PLEKHA7: variants seen among roughly 807,000 people sequenced by gnomAD.
The protein encoded by PLEKHA7 is pleckstrin homology domain-containing family A member 7.
PLEKHA7 carries 104 observed loss-of-function variants against 170.0 expected under a neutral mutation model. That is an observed-to-expected ratio of 0.61 (90% CI 0.52 to 0.72). The LOEUF (loss-of-function observed/expected upper bound fraction) is 0.72, where lower values mean the gene tolerates loss of function less well. Among genes scored for constraint, PLEKHA7 ranks in the 30% least tolerant of loss-of-function variants. PLEKHA7 has a pLI of 0.00. For missense variants in PLEKHA7, 1,615 were observed against 1,671.7 expected (o/e 0.97, Z 0.59); for synonymous variants, 648 against 660.8 (o/e 0.98, Z 0.30).
At chr11:16,779,991 A>T (rs902264486) in intron 26 of PLEKHA7, among the ~76,000 whole-genome samples, 1 of 133,668 alleles carries the variant, frequency 7.5e-6, no homozygotes, top group African/African-American at 2.9e-5. Context: ...GGGGGGGGGG[A>T]ATATCTTCAT....
At chr11:16,970,864 T>C (rs1175297057) in intron 3 of PLEKHA7, among the ~76,000 whole-genome samples, 1 of 152,234 alleles carries the variant, frequency 6.6e-6, no homozygotes, top group East Asian at 1.9e-4. Flanking sequence ...TTAATAGTAG[T>C]TAAACCTACA....
At chr11:16,968,910 C>T (rs992693372) in intron 3 of PLEKHA7, among the ~76,000 whole-genome samples, 1 of 152,202 alleles carries the variant, frequency 6.6e-6, no homozygotes, top group African/African-American at 2.4e-5. Context: ...CCATACCCAC[C>T]TATGCCAAGA....
intron 9 of PLEKHA7, among the ~76,000 whole-genome samples, chr11:16,827,639 C>T (rs144290173): frequency 6.6e-6 from 1 of 152,286 alleles, no homozygotes; most frequent in East Asian, 1.9e-4. Flanking sequence ...TCTCTGCCTC[C>T]TTGGGGCAGG....
intron 9 of PLEKHA7, among the ~76,000 whole-genome samples, chr11:16,833,060 G>A (rs1403325222): frequency 6.6e-6 from 1 of 152,246 alleles, no homozygotes; most frequent in Non-Finnish European, 1.5e-5. Context: ...TGAGGAAGGA[G>A]ATAGCCAGGG....
chr11:16,816,970 C>T lies in PLEKHA7; in HGVS notation c.1696G>A (p.Val566Met). 1 of 1,610,340 alleles carries T rather than the reference C, an allele frequency of 6.2e-7. No homozygotes were observed. Among genetic ancestry groups the T allele is most frequent in the South Asian group, 1.1e-5 (1 of 90,388 alleles). ...GGGATGTCCGAGGGAGATGGAGGCA[C>T]AGAGATGGAGCGGGGCACCTCTAGC... ...SMLEVPRSIS[V>M]PPSPSDIPPP... is the part of the protein sequence containing the mutation. The change falls in exon 11 of 27, where the codon GTG (valine) becomes ATG (methionine). Residue 566 changes from valine to methionine, a missense_variant. Val to Met is a conservative substitution (Grantham distance 21). Coordinates refer to ENST00000531066, the MANE Select transcript of PLEKHA7 (RefSeq NM_001329630.2).
chr11:16,796,761 T>A (rs1848257833), intron 17 of PLEKHA7, among the ~76,000 whole-genome samples: 1 of 152,180 alleles, frequency 6.6e-6, no homozygotes, highest in African/African-American at 2.4e-5. Flanking sequence ...GCTCAAGTGA[T>A]CCTCTCGCCT....
chr11:16,892,861 G>A (rs1384808374), intron 3 of PLEKHA7, among the ~76,000 whole-genome samples: 2 of 152,072 alleles, frequency 1.3e-5, no homozygotes, highest in South Asian at 4.1e-4. Context: ...GACAGTTCTG[G>A]AGGCTGAGAT....
intron 3 of PLEKHA7, among the ~76,000 whole-genome samples, chr11:17,006,635 A>AG (rs1481464047): frequency 2.0e-5 from 3 of 151,890 alleles, no homozygotes; most frequent in Non-Finnish European, 4.4e-5. Flanking sequence ...TCAAAAAAAA[A>AG]AAAAAAGGAA....
At chr11:16,799,729 A>C (rs1848463339) in intron 17 of PLEKHA7, among the ~76,000 whole-genome samples, 1 of 152,220 alleles carries the variant, frequency 6.6e-6, no homozygotes, top group South Asian at 2.1e-4. Context: ...GCGGCTACAA[A>C]AAAGAGTAGT....
At chr11:16,930,723 A>G (rs1859864777) in intron 3 of PLEKHA7, among the ~76,000 whole-genome samples, 1 of 152,250 alleles carries the variant, frequency 6.6e-6, no homozygotes, top group Non-Finnish European at 1.5e-5. Flanking sequence ...TTATTTAGAG[A>G]GTGAACAGAG....
intron 3 of PLEKHA7, among the ~76,000 whole-genome samples, chr11:16,902,147 T>C (rs1216249025): frequency 6.6e-6 from 1 of 152,232 alleles, no homozygotes; most frequent in Non-Finnish European, 1.5e-5. Flanking sequence ...AGGTTCATTG[T>C]TGCGTTCTTG....
At chr11:16,804,979 G>C (rs1286895017) in intron 13 of PLEKHA7, among the ~76,000 whole-genome samples, 1 of 152,180 alleles carries the variant, frequency 6.6e-6, no homozygotes, top group South Asian at 2.1e-4. Context: ...GCAGAATGTG[G>C]GTTTTAAACT....
At chr11:16,896,941 T>G (rs1370360605) in intron 3 of PLEKHA7, among the ~76,000 whole-genome samples, 1 of 152,196 alleles carries the variant, frequency 6.6e-6, no homozygotes, top group Non-Finnish European at 1.5e-5. Flanking sequence ...CGGAGAGAAC[T>G]TTTACTGCCT....
intron 21 of PLEKHA7, 166 bp downstream of exon 21, chr11:16,790,632 G>T: frequency 1.6e-6 from 1 of 630,554 alleles, no homozygotes. Flanking sequence ...ATGTGGGCCA[G>T]AGGAAGACAG....
chr11:16,978,376 C>G (rs1863200019), intron 3 of PLEKHA7, among the ~76,000 whole-genome samples: 1 of 152,102 alleles, frequency 6.6e-6, no homozygotes, highest in Non-Finnish European at 1.5e-5. Flanking sequence ...AGACCTGATG[C>G]AAAACAGTTA....
At chr11:16,865,241 T>C (rs894322880) in intron 4 of PLEKHA7, among the ~76,000 whole-genome samples, 1 of 152,248 alleles carries the variant, frequency 6.6e-6, no homozygotes, top group Non-Finnish European at 1.5e-5. Context: ...CCCCTTTCTC[T>C]ATGCATTGTA....
rs781450450 is a variant in PLEKHA7, at chr11:16,782,902, G to A, written c.3651-6C>T. The A allele has an allele frequency of 3.3e-6, 5 of 1,535,894 alleles. No individual in the cohort carries two copies. Among genetic ancestry groups the A allele is most frequent in the South Asian group, 1.2e-5 (1 of 84,058 alleles). ...TCGGCTGTAGGTTGCACATGCTGTAGGAGGGTCGGAAGCAGACCATGGGCC... is the reference window on the plus strand; with the variant it reads ...TCGGCTGTAGGTTGCACATGCTGTAAGAGGGTCGGAAGCAGACCATGGGCC... On this transcript the variant is annotated splice_polypyrimidine_tract_variant and splice_region_variant and intron_variant, in intron 25 of 26. Coordinates refer to ENST00000531066, the MANE Select transcript of PLEKHA7 (RefSeq NM_001329630.2).
chr11:16,982,937 A>G (rs7481059), intron 3 of PLEKHA7, among the ~76,000 whole-genome samples: 52,799 of 152,042 alleles, frequency 0.35, 9,812 homozygotes, highest in Middle Eastern at 0.44. Flanking sequence ...CTTCTGACTC[A>G]AAGGCCTTTC....
chr11:16,970,986 T>C (rs1862676342), intron 3 of PLEKHA7, among the ~76,000 whole-genome samples: 1 of 152,228 alleles, frequency 6.6e-6, no homozygotes, highest in Non-Finnish European at 1.5e-5. Context: ...AAGTGCTTTA[T>C]CAACTGTAAA....
Sources: gnomAD v4.1 joint callset for allele counts (sites outside exome capture counted in the v4.1 genomes callset) on GRCh38, gnomAD v4.1.1 for gene constraint, MANE v1.5 for transcripts, NCBI Gene and HGNC (gene_info 2026-07-23, HGNC 2026-07-21) for gene names.